The following NDUFB5 variants were observed in gnomAD, a reference collection of about 807,000 sequenced individuals.
NDUFB5 encodes the protein NADH:ubiquinone oxidoreductase subunit B5.
A neutral mutation model predicts 19.4 loss-of-function variants in NDUFB5; 19 were observed. The observed-to-expected ratio is 0.98, with a 90% CI of 0.68 to 1.43. NDUFB5 has a LOEUF of 1.43. NDUFB5 is among the 40% of genes most tolerant of loss of function. The pLI, the probability that NDUFB5 is intolerant of heterozygous loss-of-function variation, is 0.00. For synonymous variants in NDUFB5, 80 were observed against 82.6 expected (o/e 0.97, Z 0.17); for missense variants, 233 against 236.5 (o/e 0.99, Z 0.10).
intron 1 of NDUFB5, among the ~76,000 whole-genome samples, chr3:179,608,800 C>CT (rs1198685775): frequency 2.6e-5 from 4 of 152,064 alleles, no homozygotes; most frequent in African/African-American, 9.7e-5. Context: ...TCCTTCAGAC[C>CT]TCCAGTCAAC....
At chr3:179,614,144 G>A (rs1384195528) in intron 1 of NDUFB5, among the ~76,000 whole-genome samples, 1 of 152,174 alleles carries the variant, frequency 6.6e-6, no homozygotes, top group African/African-American at 2.4e-5. Context: ...ATCCTTTCCT[G>A]TTCCCAGTGG....
chr3:179,613,427 C>T (rs1719298253), intron 1 of NDUFB5, among the ~76,000 whole-genome samples: 1 of 152,054 alleles, frequency 6.6e-6, no homozygotes, highest in African/African-American at 2.4e-5. Context: ...TTTGTAATTA[C>T]TTGTGTAGTG....
chr3:179,618,211 T>C (rs1576883107), intron 4 of NDUFB5: 1 of 414,988 alleles, frequency 2.4e-6, no homozygotes, highest in Non-Finnish European at 4.2e-6. Flanking sequence ...GCTACGTAAC[T>C]TTGTGCAATT....
chr3:179,607,825 A>T, intron 1 of NDUFB5: 1 of 702,332 alleles, frequency 1.4e-6, no homozygotes, highest in South Asian at 1.5e-5. Context: ...AAGTAGAATC[A>T]TATAATATTT....
intron 5 of NDUFB5, among the ~76,000 whole-genome samples, chr3:179,621,265 A>G (rs909676067): frequency 1.3e-5 from 2 of 152,028 alleles, no homozygotes; most frequent in Admixed American, 6.6e-5. Flanking sequence ...TTTTGTAAAG[A>G]CATAGTTTCA....
At chr3:179,606,207 C>T (rs1005272740) in intron 1 of NDUFB5, among the ~76,000 whole-genome samples, 1 of 152,194 alleles carries the variant, frequency 6.6e-6, no homozygotes, top group Non-Finnish European at 1.5e-5. Flanking sequence ...TTTATTATCT[C>T]AGAGACTCTG....
chr3:179,625,564 G>A lies in NDUFB5; in HGVS notation c.*1524G>A, dbSNP rs973167416. 3 of 152,098 alleles carry A rather than the reference G, an allele frequency of 2.0e-5. No homozygotes were observed. The highest frequency in any genetic ancestry group is 4.4e-5 in the Non-Finnish European group (3 of 68,028). 9.4% of individuals were successfully genotyped at this position (152,098 alleles called of 1,614,324 possible). A position where few individuals can be genotyped will look rare whatever the true frequency, so the allele number is the denominator to read the frequency against. ...TATATTTCAAAATAAGATATAGCAA[G>A]TTAGAAGTATATATAAGTATATTAT... is the stretch of plus-strand genomic sequence containing the variant. On this transcript the variant is annotated 3_prime_UTR_variant, in exon 6 of 6. Transcript: ENST00000259037.
intron 5 of NDUFB5, 125 bp downstream of exon 5, chr3:179,618,646 C>T (rs544446695): frequency 6.4e-5 from 42 of 658,970 alleles, no homozygotes; most frequent in African/African-American, 5.4e-4. Flanking sequence ...GATAAAGATA[C>T]GTCCAGATGC....
chr3:179,624,674 A>G lies in NDUFB5; in HGVS notation c.*634A>G, dbSNP rs1435029219. ...TTTGGGGAAGTAGTTGCACTAGGTA[A>G]TGTGATTCCTGCAGAGATTATAAAA... is the stretch of plus-strand genomic sequence containing the variant. On this transcript the variant is annotated 3_prime_UTR_variant, in exon 6 of 6. Transcript: ENST00000259037. The G allele has an allele frequency of 1.3e-5, 2 of 151,756 alleles. No individual in the cohort carries two copies. The highest frequency in any genetic ancestry group is 4.9e-5 in the African/African-American group (2 of 41,174). 9.4% of individuals were successfully genotyped at this position (151,756 alleles called of 1,614,324 possible).
At chr3:179,612,120 C>T (rs1467708007) in intron 1 of NDUFB5, among the ~76,000 whole-genome samples, 1 of 151,724 alleles carries the variant, frequency 6.6e-6, no homozygotes, top group African/African-American at 2.4e-5. Context: ...TGGTTACACA[C>T]TAATATTTTT....
intron 1 of NDUFB5, among the ~76,000 whole-genome samples, chr3:179,607,000 G>A (rs1275364268): frequency 6.6e-6 from 1 of 152,146 alleles, no homozygotes; most frequent in Admixed American, 6.5e-5. Context: ...TTCTCATATA[G>A]CCAAATACAA....
In NDUFB5 at chr3:179,625,852, C is replaced by A. The variant is rs1199451895; in HGVS notation, c.*1812C>A. 2.0e-5 allele frequency: 3 copies of A among 152,224 alleles called. No individual in the cohort carries two copies. Among genetic ancestry groups the A allele is most frequent in the African/African-American group, 7.2e-5 (3 of 41,458 alleles). 9.4% of individuals were successfully genotyped at this position (152,224 alleles called of 1,614,324 possible). ...TTACATTAATGACCTCCAGTTCCATCCATGTTGCTACAAATGACAGAATCC... is the reference window on the plus strand; with the variant it reads ...TTACATTAATGACCTCCAGTTCCATACATGTTGCTACAAATGACAGAATCC... On this transcript the variant is annotated 3_prime_UTR_variant, in exon 6 of 6. Transcript: ENST00000259037.
intron 3 of NDUFB5, 85 bp downstream of exon 3, chr3:179,616,134 G>C (rs763659823): frequency 3.2e-6 from 3 of 949,038 alleles, no homozygotes; most frequent in South Asian, 1.5e-5. Context: ...AGAAATTATG[G>C]ATATTGTAAT....
rs1719620943 is a variant in NDUFB5 at position 179,624,566 on chromosome 3, G to GACACGTACACACACACACACAC, written c.*531_*552dup. ...TTTTTAAACTACACACAGACACACA[G>GACACGTACACACACACACACAC]ACACGTACACACACACACACACACA... On this transcript the variant is annotated 3_prime_UTR_variant, in exon 6 of 6. Transcript: ENST00000259037. 2.7e-5 allele frequency: 1 copy of GACACGTACACACACACACACAC among 36,988 alleles called. No individual in the cohort carries two copies. Among genetic ancestry groups the GACACGTACACACACACACACAC allele is most frequent in the African/African-American group, 1.5e-4 (1 of 6,718 alleles). 2.3% of individuals were successfully genotyped at this position (36,988 alleles called of 1,614,324 possible).
intron 2 of NDUFB5, 43 bp from the exon 3 acceptor site, chr3:179,615,940 A>G: frequency 7.3e-7 from 1 of 1,366,808 alleles, no homozygotes; most frequent in Non-Finnish European, 1.0e-6. Flanking sequence ...GTGTGGGGAG[A>G]GTTACGAAAT....
At chr3:179,606,771 T>C (rs1719113548) in intron 1 of NDUFB5, among the ~76,000 whole-genome samples, 1 of 152,222 alleles carries the variant, frequency 6.6e-6, no homozygotes, top group Non-Finnish European at 1.5e-5. Flanking sequence ...GAAAGTTGTC[T>C]CCAGCCTCAA....
chr3:179,622,964 G>A (rs1005475829), intron 5 of NDUFB5, among the ~76,000 whole-genome samples: 3 of 152,234 alleles, frequency 2.0e-5, no homozygotes, highest in African/African-American at 4.8e-5. Context: ...TTCAATTTGT[G>A]AAGAAGGACA....
chr3:179,609,835 A>G (rs917152347), intron 1 of NDUFB5, among the ~76,000 whole-genome samples: 5 of 152,034 alleles, frequency 3.3e-5, no homozygotes, highest in African/African-American at 1.2e-4. Context: ...TTTGATTTGC[A>G]TTTCTCTAAT....
At chr3:179,610,693 G>A (rs1200860788) in intron 1 of NDUFB5, among the ~76,000 whole-genome samples, 1 of 151,998 alleles carries the variant, frequency 6.6e-6, no homozygotes, top group Non-Finnish European at 1.5e-5. Flanking sequence ...ATCACCCTCT[G>A]TAAACCTTTC....
Sources: allele counts gnomAD v4.1 joint callset (sites outside exome capture counted in the v4.1 genomes callset), GRCh38; gene constraint gnomAD v4.1.1; transcripts MANE v1.5; gene names NCBI Gene and HGNC (gene_info 2026-07-23, HGNC 2026-07-21).